PRR5L: variants seen among roughly 807,000 people sequenced by gnomAD.
PRR5L encodes proline rich 5 like, also known as proline-rich protein 5-like.
Under a neutral mutation model 36.4 loss-of-function variants are expected in PRR5L, and 21 were observed. That is an observed-to-expected ratio of 0.58 (90% CI 0.41 to 0.83). The LOEUF (loss-of-function observed/expected upper bound fraction) is 0.83. PRR5L is among the 40% of genes least tolerant of loss of function. PRR5L has a pLI of 0.00. For missense variants in PRR5L, 381 were observed against 473.3 expected (o/e 0.80, Z 1.81); for synonymous variants, 188 against 197.0 (o/e 0.95, Z 0.38).
At chr11:36,420,318 CG>C (rs1858236756) in intron 4 of PRR5L, among the ~76,000 whole-genome samples, 2 of 152,158 alleles carry the variant, frequency 1.3e-5, no homozygotes, top group African/African-American at 4.8e-5. Flanking sequence ...GCACTCTGTA[CG>C]TAGTGTGTAG....
chr11:36,452,237 A>C (rs931437985), intron 8 of PRR5L, among the ~76,000 whole-genome samples: 1 of 152,218 alleles, frequency 6.6e-6, no homozygotes, highest in African/African-American at 2.4e-5. Context: ...CAGGGGAGCC[A>C]GCACCCATGG....
chr11:36,458,438 A>G (rs937412635), intron 8 of PRR5L, among the ~76,000 whole-genome samples: 1 of 152,144 alleles, frequency 6.6e-6, no homozygotes, highest in African/African-American at 2.4e-5. Context: ...CACACTCTAC[A>G]CTCTAAATTC....
At chr11:36,444,736 C>A (rs1383529582) in intron 6 of PRR5L, among the ~76,000 whole-genome samples, 2 of 152,182 alleles carry the variant, frequency 1.3e-5, no homozygotes, top group Non-Finnish European at 2.9e-5. Context: ...CCCAGTCTTC[C>A]TTTTTCTCTC....
At chr11:36,320,999 G>C (rs1856609176) in intron 1 of PRR5L, among the ~76,000 whole-genome samples, 1 of 152,120 alleles carries the variant, frequency 6.6e-6, no homozygotes, top group Non-Finnish European at 1.5e-5. Context: ...ATTTTTTACA[G>C]TTCTTATTAT....
intron 1 of PRR5L, among the ~76,000 whole-genome samples, chr11:36,336,324 G>C (rs189858849): frequency 6.6e-6 from 1 of 151,926 alleles, no homozygotes; most frequent in Non-Finnish European, 1.5e-5. Context: ...CCTTCTCCTG[G>C]GCTCAAGCAA....
At chr11:36,346,692 G>A (rs1200289174) in intron 1 of PRR5L, among the ~76,000 whole-genome samples, 1 of 152,108 alleles carries the variant, frequency 6.6e-6, no homozygotes, top group African/African-American at 2.4e-5. Context: ...CGAAACTGTG[G>A]AGCATTCATA....
chr11:36,460,235 A>C (rs542736567), intron 8 of PRR5L, among the ~76,000 whole-genome samples: 1 of 152,174 alleles, frequency 6.6e-6, no homozygotes, highest in Non-Finnish European at 1.5e-5. Context: ...AAAATGACCA[A>C]ATTTCTGTCT....
intron 1 of PRR5L, among the ~76,000 whole-genome samples, chr11:36,390,466 G>A (rs996427062): frequency 3.3e-5 from 5 of 152,186 alleles, no homozygotes; most frequent in Admixed American, 6.5e-5. Context: ...TGACATAAGC[G>A]TTGTGGGCTA....
At chr11:36,383,468 G>A (rs1215263813) in intron 1 of PRR5L, among the ~76,000 whole-genome samples, 1 of 152,150 alleles carries the variant, frequency 6.6e-6, no homozygotes, top group African/African-American at 2.4e-5. Flanking sequence ...TTGGGGAAAA[G>A]AAGAAAACAA....
intron 1 of PRR5L, among the ~76,000 whole-genome samples, chr11:36,342,493 A>C (rs1377630787): frequency 2.0e-5 from 3 of 152,214 alleles, no homozygotes; most frequent in African/African-American, 7.2e-5. Flanking sequence ...CCAGTAAGAC[A>C]TGGGTGGTAT....
Position 36,451,267 on chromosome 11 carries a change from A to C in PRR5L, c.644A>C (p.Lys215Thr). The C allele has an allele frequency of 1.2e-6, 2 of 1,614,176 alleles. No individual in the cohort carries two copies. Among genetic ancestry groups the C allele is most frequent in the Non-Finnish European group, 1.7e-6 (2 of 1,180,028 alleles). The part of the protein sequence containing the change: ...ESYLQLEELV[K>T]QVVSPFLGIS... ...TATTTGCAACTGGAGGAGCTGGTGA[A>C]GCAAGTGGTTTCTCCTTTCCTCGGC... The change falls in exon 8 of 9, where the codon AAG (lysine) becomes ACG (threonine). Residue 215 changes from lysine to threonine, a missense_variant. Lys to Thr is a moderately conservative substitution (Grantham distance 78). Transcript: ENST00000530639.
intron 3 of PRR5L, among the ~76,000 whole-genome samples, chr11:36,418,472 G>A (rs1290220568): frequency 6.6e-6 from 1 of 152,118 alleles, no homozygotes; most frequent in Non-Finnish European, 1.5e-5. Context: ...GGAACTCTCT[G>A]AGGCATAATT....
intron 1 of PRR5L, among the ~76,000 whole-genome samples, chr11:36,381,151 T>G (rs1333355768): frequency 1.3e-5 from 2 of 152,188 alleles, no homozygotes; most frequent in African/African-American, 4.8e-5. Flanking sequence ...AATATTCTGG[T>G]TTCACTTTAG....
chr11:36,401,532 C>T (rs563803830), intron 2 of PRR5L, among the ~76,000 whole-genome samples: 3 of 152,270 alleles, frequency 2.0e-5, no homozygotes, highest in African/African-American at 7.2e-5. Context: ...TCGGGCGATC[C>T]TCCTGCCCCA....
At chr11:36,366,757 A>G (rs1280319978) in intron 1 of PRR5L, among the ~76,000 whole-genome samples, 3 of 152,172 alleles carry the variant, frequency 2.0e-5, no homozygotes, top group African/African-American at 7.2e-5. Flanking sequence ...GTTGTACAGT[A>G]GGCTTTGACT....
intron 1 of PRR5L, among the ~76,000 whole-genome samples, chr11:36,347,141 G>A (rs1389530608): frequency 2.6e-5 from 4 of 152,182 alleles, no homozygotes; most frequent in African/African-American, 9.7e-5. Flanking sequence ...GGGAGAAAAA[G>A]GGTGGGATTG....
intron 1 of PRR5L, among the ~76,000 whole-genome samples, chr11:36,399,167 G>A (rs959273885): frequency 7.2e-5 from 11 of 152,040 alleles, no homozygotes; most frequent in African/African-American, 2.4e-4. Context: ...AAGCTGCTGA[G>A]GCCTTCTGAA....
intron 1 of PRR5L, among the ~76,000 whole-genome samples, chr11:36,393,321 G>A (rs1446651696): frequency 6.6e-6 from 1 of 152,102 alleles, no homozygotes; most frequent in Non-Finnish European, 1.5e-5. Context: ...TAAGGTCTTA[G>A]GTTTAAGTCT....
chr11:36,410,086 A>G (rs1857993180), intron 3 of PRR5L, among the ~76,000 whole-genome samples: 1 of 151,862 alleles, frequency 6.6e-6, no homozygotes, highest in Non-Finnish European at 1.5e-5. Context: ...GGTCTGGGTG[A>G]CTCTGCCTGA....
Sources: gnomAD v4.1 joint callset for allele counts (sites outside exome capture counted in the v4.1 genomes callset) on GRCh38, gnomAD v4.1.1 for gene constraint, MANE v1.5 for transcripts, NCBI Gene and HGNC (gene_info 2026-07-23, HGNC 2026-07-21) for gene names.